Variants in CNTNAP2 observed in about 807,000 individuals in gnomAD.
CNTNAP2 encodes the protein contactin-associated protein-like 2.
In CNTNAP2, 98 loss-of-function variants were observed where a neutral mutation model predicts 155.2. The observed-to-expected ratio is 0.63, with a 90% CI of 0.54 to 0.75. The LOEUF (loss-of-function observed/expected upper bound fraction) is 0.75, where lower values mean the gene tolerates loss of function less well. Among genes scored for constraint, CNTNAP2 ranks in the 30% least tolerant of loss-of-function variants. The probability of loss-of-function intolerance (pLI) is 0.00; values close to 1 mark genes in which losing one functional copy is unlikely to be tolerated. For missense variants in CNTNAP2, 1,727 were observed against 1,688.1 expected, an observed-to-expected ratio of 1.02 and a Z score of -0.40; for synonymous variants, 651 against 631.2, an observed-to-expected ratio of 1.03 and a Z score of -0.47.
chr7:146,409,015 C>T (rs1246754441), intron 1 of CNTNAP2, among the ~76,000 whole-genome samples: 4 of 152,088 alleles, frequency 2.6e-5, no homozygotes, highest in African/African-American at 9.7e-5. Flanking sequence ...ATAATCTCAT[C>T]TAATCCTTGC....
chr7:148,364,601 G>A (rs1388217484), intron 21 of CNTNAP2, among the ~76,000 whole-genome samples: 1 of 152,180 alleles, frequency 6.6e-6, no homozygotes, highest in Admixed American at 6.5e-5. Flanking sequence ...AGCTGCTCTG[G>A]TGGGGCCTTG....
At chr7:148,399,790 C>G (rs1210004006) in intron 22 of CNTNAP2, among the ~76,000 whole-genome samples, 1 of 152,130 alleles carries the variant, frequency 6.6e-6, no homozygotes, top group African/African-American at 2.4e-5. Flanking sequence ...ATTAAATTCA[C>G]ACAAATGATT....
intron 10 of CNTNAP2, among the ~76,000 whole-genome samples, chr7:147,462,061 C>G (rs1290098721): frequency 6.6e-6 from 1 of 151,946 alleles, no homozygotes; most frequent in African/African-American, 2.4e-5. Context: ...GCCTTTATAC[C>G]TAATTTTGCC....
At chr7:148,128,124 C>T (rs1436531434) in intron 16 of CNTNAP2, among the ~76,000 whole-genome samples, 1 of 152,198 alleles carries the variant, frequency 6.6e-6, no homozygotes, top group African/African-American at 2.4e-5. Context: ...CCGCCTCAGC[C>T]TCCCAAAATG....
intron 4 of CNTNAP2, among the ~76,000 whole-genome samples, chr7:147,101,970 C>G (rs537975204): frequency 6.6e-6 from 1 of 152,130 alleles, no homozygotes; most frequent in African/African-American, 2.4e-5. Flanking sequence ...GAGCCTTTGC[C>G]GGGGAACCAC....
chr7:146,253,873 A>G (rs1183251306), intron 1 of CNTNAP2, among the ~76,000 whole-genome samples: 1 of 150,954 alleles, frequency 6.6e-6, no homozygotes, highest in Non-Finnish European at 1.5e-5. Flanking sequence ...CCTGAGAAAC[A>G]TAGTGCAACC....
chr7:148,177,845 G>A (rs1794967855), intron 18 of CNTNAP2, among the ~76,000 whole-genome samples: 1 of 151,116 alleles, frequency 6.6e-6, no homozygotes, highest in Admixed American at 6.6e-5. Context: ...GAATATTACT[G>A]GATGCAGAGT....
chr7:148,139,930 A>G (rs1024029131), intron 16 of CNTNAP2, among the ~76,000 whole-genome samples: 1 of 152,130 alleles, frequency 6.6e-6, no homozygotes, highest in African/African-American at 2.4e-5. Context: ...TCCCCATAAG[A>G]CTGCATATGC....
chr7:146,305,790 A>C (rs892392014), intron 1 of CNTNAP2, among the ~76,000 whole-genome samples: 1 of 152,186 alleles, frequency 6.6e-6, no homozygotes, highest in Admixed American at 6.5e-5. Context: ...CACAAGAGAA[A>C]GCAGGAAAGA....
chr7:147,073,774 T>C (rs1280146182), intron 4 of CNTNAP2, among the ~76,000 whole-genome samples: 2 of 152,014 alleles, frequency 1.3e-5, no homozygotes, highest in African/African-American at 2.4e-5. Flanking sequence ...GACTAAAATA[T>C]TGTCCAGGAA....
At chr7:147,194,089 A>AC (rs1270169168) in intron 8 of CNTNAP2, among the ~76,000 whole-genome samples, 2 of 107,082 alleles carry the variant, frequency 1.9e-5, no homozygotes, top group East Asian at 2.6e-4. Context: ...CTGACCCCCC[A>AC]CCCCCCAACA....
intron 1 of CNTNAP2, among the ~76,000 whole-genome samples, chr7:146,592,054 A>C (rs1411591814): frequency 6.6e-6 from 1 of 152,198 alleles, no homozygotes; most frequent in Non-Finnish European, 1.5e-5. Flanking sequence ...AAAGAGCTTC[A>C]GCTCCTGAGC....
chr7:147,620,898 A>T (rs1176765805), intron 12 of CNTNAP2, among the ~76,000 whole-genome samples: 1 of 152,172 alleles, frequency 6.6e-6, no homozygotes, highest in Non-Finnish European at 1.5e-5. Context: ...TAAAACACTA[A>T]GCAGATTTGA....
At chr7:148,266,682 G>A (rs1796675791) in intron 20 of CNTNAP2, among the ~76,000 whole-genome samples, 1 of 152,100 alleles carries the variant, frequency 6.6e-6, no homozygotes, top group African/African-American at 2.4e-5. Context: ...TGTAGATGTG[G>A]CATATTCCCT....
intron 12 of CNTNAP2, 126 bp downstream of exon 12, chr7:147,562,383 T>C: frequency 1.6e-6 from 2 of 1,218,354 alleles, no homozygotes; most frequent in Non-Finnish European, 2.4e-6. Flanking sequence ...AACATATTGC[T>C]GGATTTGTTA....
intron 22 of CNTNAP2, among the ~76,000 whole-genome samples, chr7:148,396,929 G>C (rs1226657974): frequency 5.3e-5 from 8 of 152,180 alleles, no homozygotes; most frequent in Non-Finnish European, 1.2e-4. Flanking sequence ...AATTGTTTTG[G>C]AAATTCCCCT....
In CNTNAP2 at chr7:147,234,334, C is replaced by CT. The variant is rs1225048153; in HGVS notation, c.1349-65786dup. On this transcript the variant is annotated intron_variant, in intron 8 of 23. Transcript: ENST00000361727. ...TTTCACCAGTTGTCCCAAGAGTATTCTTTTTTTTTTTTTTTTTTTTTGAGA... is the reference window on the plus strand; with the variant it reads ...TTTCACCAGTTGTCCCAAGAGTATTCTTTTTTTTTTTTTTTTTTTTTTGAGA... Among the ~76,000 whole-genome samples the CT allele has an allele frequency of 9.0e-3, 964 of 107,532 alleles. 28 individuals carry two copies. The highest frequency in any genetic ancestry group is 0.027 in the Middle Eastern group (4 of 150). 70.5% of individuals were successfully genotyped at this position (107,532 alleles called of 152,430 possible).
intron 10 of CNTNAP2, among the ~76,000 whole-genome samples, chr7:147,434,987 T>C (rs1797527816): frequency 1.3e-5 from 2 of 152,188 alleles, no homozygotes; most frequent in African/African-American, 2.4e-5. Context: ...ACCAAATTCA[T>C]ACAGATTTCC....
intron 13 of CNTNAP2, among the ~76,000 whole-genome samples, chr7:147,778,399 C>A (rs1467503215): frequency 6.6e-6 from 1 of 152,142 alleles, no homozygotes; most frequent in South Asian, 2.1e-4. Context: ...TTGGGGTAAA[C>A]CCTAGTAAAG....
Sources: allele counts gnomAD v4.1 joint callset (sites outside exome capture counted in the v4.1 genomes callset), GRCh38; gene constraint gnomAD v4.1.1; transcripts MANE v1.5; gene names NCBI Gene and HGNC (gene_info 2026-07-23, HGNC 2026-07-21).